MICAL2: variants seen among roughly 807,000 people sequenced by gnomAD.
The protein encoded by MICAL2 is microtubule associated monooxygenase, calponin and LIM domain containing 2, also known as [F-actin]-monooxygenase MICAL2.
In MICAL2, 77 loss-of-function variants were observed where a neutral mutation model predicts 127.3. The ratio of observed to expected loss-of-function variants is 0.60; its 90% CI spans 0.50 to 0.73. MICAL2 has a LOEUF of 0.73. Among genes scored for constraint, MICAL2 ranks in the 30% least tolerant of loss-of-function variants. The pLI is 0.00. For synonymous variants in MICAL2, 570 were observed against 551.1 expected, an observed-to-expected ratio of 1.03 and a Z score of -0.48; for missense variants, 1,351 against 1,434.4, an observed-to-expected ratio of 0.94 and a Z score of 0.94.
At chr11:12,358,698 C>A, downstream of MICAL2, 1 of 348,520 alleles carries the variant, frequency 2.9e-6, no homozygotes, top group South Asian at 8.4e-5. Flanking sequence ...TGGCAATTGG[C>A]AGTCAACTTC....
At chr11:12,127,045 G>A (rs535574833) in intron 1 of MICAL2, among the ~76,000 whole-genome samples, 32 of 152,318 alleles carry the variant, frequency 2.1e-4, no homozygotes, top group Middle Eastern at 6.8e-3. Context: ...AATGAGGCTA[G>A]GCAGGTGAGT....
intron 2 of MICAL2, among the ~76,000 whole-genome samples, chr11:12,146,397 C>T (rs1352978179): frequency 5.3e-5 from 8 of 152,268 alleles, no homozygotes; most frequent in African/African-American, 7.2e-5. Flanking sequence ...AACAAGTGGG[C>T]GAAGGATATG....
At chr11:12,245,863 C>T (rs954239743) in intron 21 of MICAL2, among the ~76,000 whole-genome samples, 4 of 152,338 alleles carry the variant, frequency 2.6e-5, no homozygotes, top group African/African-American at 7.2e-5. Context: ...GGGAAAAGGT[C>T]ATGGCACCCT....
rs1403863842 is a variant in MICAL2, at chr11:12,249,248, T to G, written c.2847+2T>G. ...CATTTGAGAACAGTGCATCCTCAGG[T>G]GAGTTAGAGCCTCCCTGAACTTCAG... On this transcript the variant is annotated splice_donor_variant, in intron 22 of 27. Transcript: ENST00000683283. LOFTEE classifies it high-confidence loss of function. 3 of 1,500,228 alleles carry G rather than the reference T, an allele frequency of 2.0e-6. No homozygotes were observed. In the Admixed American group the frequency reaches 5.0e-5, roughly 25 times the overall value. The allele number at this position is 1,500,228 out of a possible 1,614,324, so 92.9% of individuals were successfully genotyped here.
In MICAL2 at chr11:12,354,969, G is replaced by T; in HGVS notation, c.5689+112G>T. 5.9e-6 allele frequency: 6 copies of T among 1,009,828 alleles called. No individual in the cohort carries two copies. In the South Asian group the frequency reaches 9.3e-5, roughly 16 times the overall value. The allele number at this position is 1,009,828 out of a possible 1,614,324, so 62.6% of individuals were successfully genotyped here. ...TTCCTGCCTGCCAGCCTGCAAGTTA[G>T]AGGAAAGTACAAAGCCAGCCTGCCT... is the stretch of plus-strand genomic sequence containing the variant. On this transcript the variant is annotated intron_variant, in intron 34 of 34. Coordinates refer to the MICAL2 transcript ENST00000646065.
chr11:12,222,652 C>G lies in MICAL2; in HGVS notation c.1358C>G (p.Pro453Arg), dbSNP rs375247527. 6.2e-7 allele frequency: 1 copy of G among 1,614,226 alleles called. No individual in the cohort carries two copies. Among genetic ancestry groups the G allele is most frequent in the Non-Finnish European group, 8.5e-7 (1 of 1,180,044 alleles). The change falls in exon 11 of 28, where the codon CCG becomes CGG. Residue 453 changes from proline (P) to arginine (R), a missense_variant. By Grantham distance (103) the Pro-to-Arg change is moderately radical. Transcript: ENST00000683283. ...TACCGGCTGTTACCTCAGACAACCC[C>G]GGAGAACATCAACAAGAACTTTGAG... The part of the protein sequence containing the change: ...SLYRLLPQTT[P>R]ENINKNFEQY...
intron 30 of MICAL2, among the ~76,000 whole-genome samples, chr11:12,321,084 A>G (rs1864289716): frequency 6.6e-6 from 1 of 152,108 alleles, no homozygotes; most frequent in Admixed American, 6.5e-5. Context: ...AGAATGGCCC[A>G]AACATATTGA....
At chr11:12,346,091 G>T (rs1405696955) in intron 32 of MICAL2, among the ~76,000 whole-genome samples, 1 of 152,034 alleles carries the variant, frequency 6.6e-6, no homozygotes, top group Admixed American at 6.6e-5. Flanking sequence ...ATAGAAAGAA[G>T]TTTTCAGGAC....
chr11:12,139,204 A>G (rs1852111445), intron 2 of MICAL2, among the ~76,000 whole-genome samples: 1 of 151,860 alleles, frequency 6.6e-6, no homozygotes, highest in African/African-American at 2.4e-5. Flanking sequence ...GCGTTTTGGC[A>G]CCCCTCCTCC....
At chr11:12,180,342 T>TATAA (rs1857294557) in intron 3 of MICAL2, among the ~76,000 whole-genome samples, 1 of 131,904 alleles carries the variant, frequency 7.6e-6, no homozygotes, top group Non-Finnish European at 1.5e-5. Context: ...CATGTATATA[T>TATAA]GTATATATTT....
intron 34 of MICAL2, chr11:12,354,887 T>A (rs373334451): frequency 1.2e-6 from 2 of 1,600,874 alleles, no homozygotes; most frequent in South Asian, 1.1e-5. Context: ...TGTTGAGAAC[T>A]TCCCCCTAGA....
chr11:12,170,429 G>A (rs555003082), intron 3 of MICAL2, among the ~76,000 whole-genome samples: 1 of 152,274 alleles, frequency 6.6e-6, no homozygotes, highest in East Asian at 1.9e-4. Context: ...CAGCCTGGGT[G>A]AAGAGCAAGA....
At chr11:12,356,170 A>G (rs762346969) in intron 34 of MICAL2, among the ~76,000 whole-genome samples, 26 of 152,192 alleles carry the variant, frequency 1.7e-4, no homozygotes, top group Admixed American at 4.6e-4. Context: ...AGTGAAGGTC[A>G]TAGGTTTTTC....
At chr11:12,294,750 T>C (rs1163522199), downstream of MICAL2, 20 of 1,613,072 alleles carry the variant, frequency 1.2e-5, no homozygotes, top group Non-Finnish European at 1.7e-5. Flanking sequence ...GCGCAGGCCC[T>C]GGAGAAGCTG....
intron 21 of MICAL2, among the ~76,000 whole-genome samples, chr11:12,247,169 G>A (rs2134541119): frequency 6.6e-6 from 1 of 152,270 alleles, no homozygotes. Flanking sequence ...AGCCACGCAT[G>A]CATGGAGGCC....
chr11:12,116,248 G>A (rs1850014405), intron 1 of MICAL2, among the ~76,000 whole-genome samples: 1 of 151,468 alleles, frequency 6.6e-6, no homozygotes, highest in African/African-American at 2.4e-5. Context: ...AAAGTGCTGG[G>A]ATTATAGGCG....
intron 2 of MICAL2, among the ~76,000 whole-genome samples, chr11:12,159,063 G>A (rs890357495): frequency 6.6e-6 from 1 of 152,180 alleles, no homozygotes; most frequent in South Asian, 2.1e-4. Context: ...TCCAAGCTGC[G>A]CTTATCTTCT....
At chr11:12,142,816 A>G (rs1247433986) in intron 2 of MICAL2, among the ~76,000 whole-genome samples, 6 of 152,278 alleles carry the variant, frequency 3.9e-5, no homozygotes, top group Admixed American at 2.0e-4. Context: ...CACAAGGGCC[A>G]GGACTCAAAC....
At chr11:12,230,582 G>A (rs1858108772) in intron 15 of MICAL2, among the ~76,000 whole-genome samples, 1 of 152,164 alleles carries the variant, frequency 6.6e-6, no homozygotes, top group African/African-American at 2.4e-5. Flanking sequence ...ATATTGATAT[G>A]GGAATTGAGC....
Sources: gnomAD v4.1 joint callset for allele counts (sites outside exome capture counted in the v4.1 genomes callset) on GRCh38, gnomAD v4.1.1 for gene constraint, MANE v1.5 for transcripts, NCBI Gene and HGNC (gene_info 2026-07-23, HGNC 2026-07-21) for gene names.